DNAH14: variants seen among roughly 807,000 people sequenced by gnomAD.
The protein encoded by DNAH14 is dynein axonemal heavy chain 14.
Under a neutral mutation model 520.9 loss-of-function variants are expected in DNAH14, and 478 were observed. The observed-to-expected ratio is 0.92, with a 90% CI of 0.85 to 0.99. The LOEUF is 0.99. Among genes scored for constraint, DNAH14 ranks in the 50% least tolerant of loss-of-function variants. The pLI, the probability that DNAH14 is intolerant of heterozygous loss-of-function variation, is 0.00. For missense variants in DNAH14, 4,831 were observed against 5,234.5 expected (o/e 0.92, Z 2.38); for synonymous variants, 1,581 against 1,757.2 (o/e 0.90, Z 2.51).
chr1:225,022,553 A>G (rs1393886638), intron 10 of DNAH14, among the ~76,000 whole-genome samples: 1 of 152,204 alleles, frequency 6.6e-6, no homozygotes, highest in African/African-American at 2.4e-5. Flanking sequence ...ATGAGTTAAC[A>G]TCTTACACCA....
At chr1:225,034,697 A>T (rs745314742) in intron 11 of DNAH14, among the ~76,000 whole-genome samples, 3 of 152,026 alleles carry the variant, frequency 2.0e-5, no homozygotes, top group Non-Finnish European at 4.4e-5. Context: ...CTGTGATTTC[A>T]TCAGGTCCTG....
intron 26 of DNAH14, among the ~76,000 whole-genome samples, chr1:225,122,385 T>G (rs2077369959): frequency 6.6e-6 from 1 of 152,178 alleles, no homozygotes. Context: ...TGCCTTTTAG[T>G]GCATGAAGTT....
chr1:225,338,231 A>G (rs886867428), intron 68 of DNAH14, 49 bp downstream of exon 68: 1 of 1,545,940 alleles, frequency 6.5e-7, no homozygotes, highest in Non-Finnish European at 8.8e-7. Flanking sequence ...TTTTTAAGAT[A>G]AATAATATTG....
At chr1:225,078,384 C>T (rs1572904287) in intron 17 of DNAH14, among the ~76,000 whole-genome samples, 1 of 152,172 alleles carries the variant, frequency 6.6e-6, no homozygotes, top group African/African-American at 2.4e-5. Flanking sequence ...ATTTATTATG[C>T]ACCGTTCACA....
chr1:225,323,809 A>C (rs575411798), intron 62 of DNAH14, among the ~76,000 whole-genome samples: 177 of 151,382 alleles, frequency 1.2e-3, no homozygotes, highest in Non-Finnish European at 2.1e-3. Flanking sequence ...TCTACTATTA[A>C]AGATAAGTTA....
At chr1:225,377,910 A>G (rs1280339585) in intron 79 of DNAH14, among the ~76,000 whole-genome samples, 1 of 152,132 alleles carries the variant, frequency 6.6e-6, no homozygotes, top group Non-Finnish European at 1.5e-5. Context: ...TGTCTTCCAG[A>G]CCTTCTCAAA....
At chr1:225,245,663 T>TA (rs1184923726) in intron 43 of DNAH14, among the ~76,000 whole-genome samples, 1 of 152,148 alleles carries the variant, frequency 6.6e-6, no homozygotes, top group Non-Finnish European at 1.5e-5. Flanking sequence ...GAATACAACT[T>TA]ACAAGGTACG....
At chr1:225,382,535 G>A (rs947658796) in intron 81 of DNAH14, among the ~76,000 whole-genome samples, 2 of 151,858 alleles carry the variant, frequency 1.3e-5, no homozygotes, top group Non-Finnish European at 2.9e-5. Context: ...GTGAAACCCC[G>A]TCTCTACTAA....
intron 17 of DNAH14, among the ~76,000 whole-genome samples, chr1:225,069,340 G>T (rs918631830): frequency 1.3e-5 from 2 of 152,198 alleles, no homozygotes; most frequent in African/African-American, 4.8e-5. Flanking sequence ...TTGGCTGCGG[G>T]TTTGTCAGAG....
At chr1:225,063,867 G>A (rs2070508040) in intron 17 of DNAH14, among the ~76,000 whole-genome samples, 1 of 149,678 alleles carries the variant, frequency 6.7e-6, no homozygotes, top group South Asian at 2.1e-4. Flanking sequence ...CAAGTGAAAA[G>A]GAGAAAATTG....
intron 50 of DNAH14, among the ~76,000 whole-genome samples, chr1:225,271,224 T>TA (rs1301076369): frequency 1.3e-5 from 2 of 152,098 alleles, no homozygotes; most frequent in Non-Finnish European, 2.9e-5. Flanking sequence ...TCTTATGGAA[T>TA]AAAAAAATGC....
At chr1:225,304,573 A>C (rs574781724) in intron 57 of DNAH14, among the ~76,000 whole-genome samples, 7 of 152,288 alleles carry the variant, frequency 4.6e-5, no homozygotes, top group Non-Finnish European at 7.3e-5. Context: ...AAAAATAAAT[A>C]AAAAATTTAA....
chr1:225,159,352 T>TA lies in DNAH14; in HGVS notation c.5312_5313insA (p.Ile1772AspfsTer10). On this transcript the variant is annotated frameshift_variant, in exon 35 of 86. Transcript: ENST00000682510. LOFTEE classifies it high-confidence loss of function. ...AGTCTTTCTGAAGCAGATGAAACCTTGATTGTTATCGAGGCTATAAGAGAA... is the reference window on the plus strand; with the variant it reads ...AGTCTTTCTGAAGCAGATGAAACCTTAGATTGTTATCGAGGCTATAAGAGAA... 1 of 1,551,498 alleles carries TA rather than the reference T, an allele frequency of 6.4e-7. No individual in the cohort carries two copies. Among genetic ancestry groups the TA allele is most frequent in the East Asian group, 2.4e-5 (1 of 40,880 alleles).
At chr1:225,086,661 A>T (rs1391394793) in intron 21 of DNAH14, among the ~76,000 whole-genome samples, 1 of 152,168 alleles carries the variant, frequency 6.6e-6, no homozygotes, top group African/African-American at 2.4e-5. Context: ...AAAACTCAAT[A>T]AATTACAGAA....
intron 60 of DNAH14, among the ~76,000 whole-genome samples, chr1:225,312,040 A>T (rs2094377773): frequency 6.6e-6 from 1 of 152,106 alleles, no homozygotes; most frequent in African/African-American, 2.4e-5. Flanking sequence ...TTTGAGCAGT[A>T]TGGCCATTTT....
intron 37 of DNAH14, among the ~76,000 whole-genome samples, chr1:225,192,152 G>T (rs993857415): frequency 2.6e-5 from 4 of 151,980 alleles, no homozygotes; most frequent in Admixed American, 2.6e-4. Context: ...ACTTCTCCCT[G>T]AGGCCTTATA....
intron 10 of DNAH14, among the ~76,000 whole-genome samples, chr1:225,011,426 G>C (rs182619759): frequency 6.6e-6 from 1 of 152,198 alleles, no homozygotes; most frequent in East Asian, 1.9e-4. Context: ...ATTTGGGGTG[G>C]AGTGTTGTGT....
chr1:224,932,569 T>C (rs1420020813), intron 1 of DNAH14, among the ~76,000 whole-genome samples: 1 of 151,890 alleles, frequency 6.6e-6, no homozygotes, highest in Non-Finnish European at 1.5e-5. Flanking sequence ...TTGGATCTTA[T>C]GTTTAAGTCT....
In DNAH14 at chr1:225,367,939, C is replaced by T; in HGVS notation, c.12225C>T (p.Ser4075=). ...AATGGTGGAAAAAACTTTTATTTAGCCTATGTTTTTTCAATGCTGTAATCA... is the reference window on the plus strand; with the variant it reads ...AATGGTGGAAAAAACTTTTATTTAGTCTATGTTTTTTCAATGCTGTAATCA... ...CGQWWKKLLF[S]LCFFNAVINE... Residue 4075 remains serine (S), a synonymous_variant, in exon 77 of 86, where the codon AGC becomes AGT. Transcript: ENST00000682510. 1 of 1,551,450 alleles carries T rather than the reference C, an allele frequency of 6.4e-7. No homozygotes were observed.
Sources: allele counts gnomAD v4.1 joint callset (sites outside exome capture counted in the v4.1 genomes callset), GRCh38; gene constraint gnomAD v4.1.1; transcripts MANE v1.5; gene names NCBI Gene and HGNC (gene_info 2026-07-23, HGNC 2026-07-21).